PRKAG2: variants seen among roughly 807,000 people sequenced by gnomAD.
The protein encoded by PRKAG2 is 5'-AMP-activated protein kinase subunit gamma-2.
PRKAG2 carries 26 observed loss-of-function variants against 69.6 expected under a neutral mutation model. The ratio of observed to expected loss-of-function variants is 0.37; its 90% CI spans 0.27 to 0.52. PRKAG2 has a LOEUF of 0.52. PRKAG2 is among the 20% of genes least tolerant of loss of function. The probability of loss-of-function intolerance (pLI) is 0.90; values close to 1 mark genes in which losing one functional copy is unlikely to be tolerated. For synonymous variants in PRKAG2, 293 were observed against 285.0 expected, an observed-to-expected ratio of 1.03 and a Z score of -0.28; for missense variants, 557 against 740.0, an observed-to-expected ratio of 0.75 and a Z score of 2.87.
intron 1 of PRKAG2, among the ~76,000 whole-genome samples, chr7:151,849,232 G>A (rs1270011888): frequency 5.3e-5 from 8 of 152,242 alleles, no homozygotes; most frequent in Admixed American, 1.3e-4. Context: ...AGGGGCCTCC[G>A]ATGCACCGTG....
At chr7:151,701,190 G>T (rs1418558555) in intron 3 of PRKAG2, among the ~76,000 whole-genome samples, 1 of 152,212 alleles carries the variant, frequency 6.6e-6, no homozygotes, top group East Asian at 1.9e-4. Flanking sequence ...GGAGGAGGAG[G>T]TCTGAACAGA....
At chr7:151,666,679 C>T (rs967502181) in intron 4 of PRKAG2, among the ~76,000 whole-genome samples, 3 of 152,184 alleles carry the variant, frequency 2.0e-5, no homozygotes, top group Non-Finnish European at 2.9e-5. Flanking sequence ...GGTATGCCCT[C>T]CCATGGCTGG....
At chr7:151,736,343 G>A in intron 3 of PRKAG2, 1 of 1,082,630 alleles carries the variant, frequency 9.2e-7, no homozygotes, top group African/African-American at 1.6e-5. Context: ...GGGATTTGTT[G>A]ATGTAGTTAA....
chr7:151,773,028 AGAGAGAGAG>A (rs1563639403), intron 3 of PRKAG2, among the ~76,000 whole-genome samples: 3,718 of 50,164 alleles, frequency 0.074, 360 homozygotes, highest in Non-Finnish European at 0.085. Flanking sequence ...AAAGAAAGAG[AGAGAGAGAG>A]AGAGAGAGAG....
intron 1 of PRKAG2, among the ~76,000 whole-genome samples, chr7:151,795,874 T>TATATATATACATATATATATATAC (rs2077493665): frequency 8.9e-6 from 1 of 112,108 alleles, no homozygotes; most frequent in African/African-American, 3.7e-5. Flanking sequence ...TATATATATA[T>TATATATATACATATATATATATAC]ATATATATAT....
chr7:151,610,318 G>A (rs1200675343), intron 5 of PRKAG2, among the ~76,000 whole-genome samples: 1 of 152,166 alleles, frequency 6.6e-6, no homozygotes, highest in Non-Finnish European at 1.5e-5. Flanking sequence ...GCAGCAAGCC[G>A]AGATTGCGCC....
intron 3 of PRKAG2, among the ~76,000 whole-genome samples, chr7:151,698,511 C>T (rs368208277): frequency 4.6e-5 from 7 of 152,048 alleles, no homozygotes; most frequent in Non-Finnish European, 7.4e-5. Context: ...AATGAGTTCT[C>T]GCTCTATGAG....
At chr7:151,830,250 T>C (rs1437143668) in intron 1 of PRKAG2, among the ~76,000 whole-genome samples, 1 of 151,666 alleles carries the variant, frequency 6.6e-6, no homozygotes, top group African/African-American at 2.4e-5. Context: ...AACCTATCTG[T>C]CCGCAGGCTG....
At chr7:151,605,957 G>A (rs921424447) in intron 5 of PRKAG2, among the ~76,000 whole-genome samples, 241 of 128,162 alleles carry the variant, frequency 1.9e-3, no homozygotes, top group African/African-American at 5.6e-3. Context: ...AAAAAAAAAA[G>A]AATTGCTTCA....
At chr7:151,725,893 ACTTTGATTTT>A (rs1797864345) in intron 3 of PRKAG2, among the ~76,000 whole-genome samples, 1 of 152,084 alleles carries the variant, frequency 6.6e-6, no homozygotes, top group African/African-American at 2.4e-5. Context: ...GCCCTCCCCC[ACTTTGATTTT>A]CTTTGATTTT....
rs1487573058 is a variant in PRKAG2, at chr7:151,836,653, G to T, written c.114+39854C>A. ...TGTGCCTCTGGCCTCCTGTCTGGGT[G>T]CAGCCTTAGCGGGGCACAGGAGGGC... On this transcript the variant is annotated intron_variant, in intron 1 of 15. Coordinates refer to ENST00000287878, the MANE Select transcript of PRKAG2 (RefSeq NM_016203.4). This position sits in a 1 kb window ranked among gnomAD's most constrained non-coding sequence, Gnocchi z 4.1. 6.6e-6 allele frequency among the ~76,000 whole-genome samples: 1 copy of T among 152,204 alleles called. No individual in the cohort carries two copies. Among genetic ancestry groups the T allele is most frequent in the African/African-American group, 2.4e-5 (1 of 41,458 alleles).
Position 151,756,371 on chromosome 7 carries a change from C to T in PRKAG2, c.466+24781G>A, listed in dbSNP as rs866656456. 1.3e-5 allele frequency among the ~76,000 whole-genome samples: 2 copies of T among 152,356 alleles called. 1 individual carries two copies. Among genetic ancestry groups the T allele is most frequent in the Middle Eastern group, 6.8e-3 (2 of 294 alleles). On this transcript the variant is annotated intron_variant, in intron 3 of 15. Transcript: ENST00000287878. This position sits in a 1 kb window ranked among gnomAD's most constrained non-coding sequence, Gnocchi z 4.9. ...CCAAAGGTTTCCTGTCCTTGCAATG[C>T]TGGGAGGGACCCTAGATGGATTTGT... is the stretch of plus-strand genomic sequence containing the variant.
intron 3 of PRKAG2, among the ~76,000 whole-genome samples, chr7:151,692,499 T>C (rs1294489256): frequency 6.6e-6 from 1 of 152,216 alleles, no homozygotes; most frequent in Non-Finnish European, 1.5e-5. Context: ...GTTGGAATTG[T>C]TCTATGTCTT....
chr7:151,826,561 CCT>C (rs898287499), intron 1 of PRKAG2, among the ~76,000 whole-genome samples: 2 of 152,144 alleles, frequency 1.3e-5, no homozygotes, highest in African/African-American at 4.8e-5. Flanking sequence ...ACCTTCCCTT[CCT>C]CTCTCTTTCC....
rs1402294425 is a variant in PRKAG2, at chr7:151,632,686, G to C, written c.685-548C>G. ...CAGAACGCCCCGGGGCGCCAGCTAG[G>C]GGATCCTTTCTCGCTTTCCTCTTCC... On this transcript the variant is annotated intron_variant, in intron 4 of 15. Coordinates refer to ENST00000287878, the MANE Select transcript of PRKAG2 (RefSeq NM_016203.4). The surrounding 1 kb of genome is among the most constrained non-coding windows in gnomAD (Gnocchi z 4.2). 1.1e-5 allele frequency: 9 copies of C among 810,682 alleles called. No homozygotes were observed. Among genetic ancestry groups the C allele is most frequent in the Non-Finnish European group, 1.3e-5 (9 of 670,162 alleles). The allele number at this position is 810,682 out of a possible 1,614,324, so 50.2% of individuals were successfully genotyped here. A position where few individuals can be genotyped will look rare whatever the true frequency, so the allele number is the denominator to read the frequency against.
chr7:151,740,409 C>T (rs1055012193), intron 3 of PRKAG2, among the ~76,000 whole-genome samples: 1 of 152,102 alleles, frequency 6.6e-6, no homozygotes, highest in Non-Finnish European at 1.5e-5. Flanking sequence ...GTGGCAGCAG[C>T]CCTGCTGATA....
intron 6 of PRKAG2, among the ~76,000 whole-genome samples, chr7:151,590,489 T>C (rs1377605696): frequency 6.6e-6 from 1 of 152,256 alleles, no homozygotes; most frequent in Non-Finnish European, 1.5e-5. Flanking sequence ...TGGACTCAGA[T>C]GAAGCTGAGA....
intron 4 of PRKAG2, among the ~76,000 whole-genome samples, chr7:151,650,712 A>G (rs982855772): frequency 6.6e-6 from 1 of 152,176 alleles, no homozygotes; most frequent in Non-Finnish European, 1.5e-5. Context: ...CTTAATTCAC[A>G]TCAACAAGGC....
At chr7:151,750,096 C>CAA (rs35915808) in intron 3 of PRKAG2, among the ~76,000 whole-genome samples, 663 of 62,578 alleles carry the variant, frequency 0.011, 6 homozygotes, top group African/African-American at 0.031. Context: ...GACTCCATCT[C>CAA]AAAAAAAAAA....
Sources: allele counts gnomAD v4.1 joint callset (sites outside exome capture counted in the v4.1 genomes callset), GRCh38; gene constraint gnomAD v4.1.1; non-coding constraint Gnocchi (gnomAD v3.1); transcripts MANE v1.5; gene names NCBI Gene and HGNC (gene_info 2026-07-23, HGNC 2026-07-21).